MFSD1: variants seen among roughly 807,000 people sequenced by gnomAD.
MFSD1 encodes major facilitator superfamily domain containing 1, also known as lysosomal dipeptide transporter MFSD1.
A neutral mutation model predicts 67.1 loss-of-function variants in MFSD1; 59 were observed. The ratio of observed to expected loss-of-function variants is 0.88; its 90% CI spans 0.71 to 1.09. The LOEUF is 1.09. MFSD1 is among the 50% of genes least tolerant of loss of function. The pLI, the probability that MFSD1 is intolerant of heterozygous loss-of-function variation, is 0.00. For missense variants in MFSD1, 552 were observed against 566.1 expected (o/e 0.97, Z 0.25); for synonymous variants, 213 against 200.3 (o/e 1.06, Z -0.54).
intron 7 of MFSD1, among the ~76,000 whole-genome samples, chr3:158,815,454 T>C (rs1463762167): frequency 6.7e-6 from 1 of 149,488 alleles, no homozygotes; most frequent in Non-Finnish European, 1.5e-5. Flanking sequence ...CTTCCTAAAA[T>C]AGGCATATAG....
chr3:158,821,583 C>G lies in MFSD1; in HGVS notation c.864-14C>G, dbSNP rs1327415084. 5 of 1,584,256 alleles carry G rather than the reference C, an allele frequency of 3.2e-6. No homozygotes were observed. Among genetic ancestry groups the G allele is most frequent in the South Asian group, 1.1e-5 (1 of 88,544 alleles). On this transcript the variant is annotated splice_polypyrimidine_tract_variant and intron_variant, in intron 9 of 15. Transcript: ENST00000415822. ...CTCTCTAATGTGCTAATTTCTCTGTCTTTTTAATTTTAGAGTTTTCTTTAC... is the reference window on the plus strand; with the variant it reads ...CTCTCTAATGTGCTAATTTCTCTGTGTTTTTAATTTTAGAGTTTTCTTTAC...
rs376080635 is a variant in MFSD1, at chr3:158,802,100, T to A, written c.-53T>A. The A allele has an allele frequency of 2.8e-5, 45 of 1,597,574 alleles. No individual in the cohort carries two copies. Among genetic ancestry groups the A allele is most frequent in the Non-Finnish European group, 3.7e-5 (43 of 1,174,462 alleles). ...ACAGTGTTCCACGGGCGCTGCTTCC[T>A]GCCTGGGTTTGGAGTTGTCACCACT... On this transcript the variant is annotated 5_prime_UTR_variant, in exon 1 of 16. Transcript: ENST00000415822.
chr3:158,828,547 T>G (rs555138140), intron 15 of MFSD1, among the ~76,000 whole-genome samples: 1 of 152,266 alleles, frequency 6.6e-6, no homozygotes, highest in South Asian at 2.1e-4. Context: ...CACATCCATG[T>G]GATATGTTGT....
chr3:158,802,705 GT>G (rs1407026232), intron 1 of MFSD1: 8 of 395,904 alleles, frequency 2.0e-5, no homozygotes, highest in Non-Finnish European at 3.4e-5. Flanking sequence ...ACTTTTGTTT[GT>G]TTGGTTTTAG....
intron 5 of MFSD1, chr3:158,808,905 T>C (rs1729859279): frequency 3.0e-6 from 1 of 328,780 alleles, no homozygotes; most frequent in South Asian, 8.5e-5. Context: ...TGCTGTCTCA[T>C]AGCATGGGGG....
intron 7 of MFSD1, 30 bp from the exon 8 acceptor site, chr3:158,819,619 T>A (rs1330694324): frequency 1.6e-6 from 2 of 1,226,116 alleles, no homozygotes; most frequent in Non-Finnish European, 2.2e-6. Context: ...TTTCAAAGTC[T>A]GTTTTTCTTT....
rs1576914347 is a variant in MFSD1 at position 158,823,078 on chromosome 3, A to G, written c.1078-350A>G. On this transcript the variant is annotated intron_variant, in intron 11 of 15. Transcript: ENST00000415822. The stretch of plus-strand genomic sequence containing the variant: ...GATTGCCTAATCTGTAACTCCTAAT[A>G]AATACTGGAAAATTAGCTTGCCTGA... 6 of 252,256 alleles carry G rather than the reference A, an allele frequency of 2.4e-5. No homozygotes were observed. The East Asian group carries it at 5.2e-4, about 22-fold the overall frequency. The allele number at this position is 252,256 out of a possible 1,614,324, so 15.6% of individuals were successfully genotyped here. A position where few individuals can be genotyped will look rare whatever the true frequency, so the allele number is the denominator to read the frequency against.
rs747610583 is a variant in MFSD1, at chr3:158,802,249, C to T, written c.97C>T (p.Leu33Phe). Reference sequence around the variant, plus strand: ...GGCCGCCCCTGGAGCCCTGCCGGCCCTCTGCGACCCCAGTCGCCTGGCGCA... The same window carrying T: ...GGCCGCCCCTGGAGCCCTGCCGGCCTTCTGCGACCCCAGTCGCCTGGCGCA... ...APAAPGALPA[L>F]CDPSRLAHRL... is the part of the protein sequence containing the mutation. The change falls in exon 1 of 16, where the codon CTC (leucine) becomes TTC (phenylalanine). Residue 33 changes from leucine to phenylalanine, a missense_variant. Physicochemically the swap from Leu to Phe is conservative, Grantham distance 22. Coordinates refer to ENST00000415822, the MANE Select transcript of MFSD1 (RefSeq NM_022736.4). The T allele has an allele frequency of 9.3e-6, 15 of 1,611,648 alleles. No individual in the cohort carries two copies. In the South Asian group the frequency reaches 1.4e-4, roughly 15 times the overall value.
At chr3:158,819,523 G>C (rs781651414) in intron 7 of MFSD1, 126 bp from the exon 8 acceptor site, 14 of 470,940 alleles carry the variant, frequency 3.0e-5, no homozygotes, top group East Asian at 1.7e-4. Flanking sequence ...GATTTTTCTC[G>C]TGTCTTTATG....
intron 4 of MFSD1, 91 bp downstream of exon 4, chr3:158,807,173 T>C: frequency 8.2e-7 from 1 of 1,223,462 alleles, no homozygotes; most frequent in Non-Finnish European, 1.2e-6. Flanking sequence ...GTTTAATTAA[T>C]GCCTAGCTTA....
Position 158,819,710 on chromosome 3 carries a change from A to G in MFSD1, c.714A>G (p.Arg238=), listed in dbSNP as rs773454794. 10 of 1,609,864 alleles carry G rather than the reference A, an allele frequency of 6.2e-6. No individual in the cohort carries two copies. In the South Asian group the frequency reaches 9.9e-5, roughly 16 times the overall value. The change falls in exon 8 of 16, where the codon AGA becomes AGG. Residue 238 remains arginine, a synonymous_variant. Coordinates refer to ENST00000415822, the MANE Select transcript of MFSD1 (RefSeq NM_022736.4). ...TGGCTCTTGCCTACTTGGATCAGAG[A>G]GCAGAGAGAATCCTTCATAAAGAAC... The part of the protein sequence containing the change: ...CALALAYLDQ[R]AERILHKEQG...
chr3:158,821,551 A>T (rs778264225), intron 9 of MFSD1, 46 bp from the exon 10 acceptor site: 1 of 1,231,766 alleles, frequency 8.1e-7, no homozygotes. Context: ...TTGAAAACAG[A>T]GTAGTTCTCT....
At chr3:158,813,827 C>G in intron 6 of MFSD1, 138 bp from the exon 7 acceptor site, 5 of 232,752 alleles carry the variant, frequency 2.1e-5, no homozygotes, top group Non-Finnish European at 1.5e-5. Flanking sequence ...TCAATTTTTT[C>G]TTGTAGTGTC....
intron 6 of MFSD1, among the ~76,000 whole-genome samples, chr3:158,810,123 TAA>T (rs1320888416): frequency 6.6e-6 from 1 of 152,142 alleles, no homozygotes; most frequent in East Asian, 1.9e-4. Context: ...CTCCCAGGTT[TAA>T]GTGATTTTCC....
At chr3:158,805,339 A>G (rs2108203869) in intron 2 of MFSD1, 23 bp from the exon 3 acceptor site, 1 of 1,557,150 alleles carries the variant, frequency 6.4e-7, no homozygotes, top group Non-Finnish European at 8.9e-7. Flanking sequence ...GGAAAAAAAT[A>G]GTTTTATTTT....
intron 3 of MFSD1, 30 bp downstream of exon 3, chr3:158,805,504 C>A: frequency 1.4e-6 from 2 of 1,464,440 alleles, no homozygotes; most frequent in Non-Finnish European, 1.9e-6. Context: ...ATGGGTAAAT[C>A]TTACCTGATT....
Position 158,823,495 on chromosome 3 carries a change from C to T in MFSD1, c.1145C>T (p.Pro382Leu), listed in dbSNP as rs568846837. 1 of 1,613,500 alleles carries T rather than the reference C, an allele frequency of 6.2e-7. No homozygotes were observed. The highest frequency in any genetic ancestry group is 8.5e-7 in the Non-Finnish European group (1 of 1,179,454). Reference sequence around the variant, plus strand: ...TGGCCAATGGTGGCATTTGTAGTTCCTGAACATCAGCTGGGAACTGCATAT... The same window carrying T: ...TGGCCAATGGTGGCATTTGTAGTTCTTGAACATCAGCTGGGAACTGCATAT... ...ALWPMVAFVV[P>L]EHQLGTAYGF... The change falls in exon 12 of 16, where the codon CCT (proline) becomes CTT (leucine). Residue 382 changes from proline (P) to leucine (L), a missense_variant. Physicochemically the swap from Pro to Leu is moderately conservative, Grantham distance 98 (BLOSUM62 -3). Transcript: ENST00000415822.
intron 1 of MFSD1, among the ~76,000 whole-genome samples, chr3:158,803,709 C>T (rs939640286): frequency 6.6e-6 from 1 of 152,088 alleles, no homozygotes; most frequent in Non-Finnish European, 1.5e-5. Flanking sequence ...AAAATAAATC[C>T]GAGTGCATGG....
In MFSD1 at chr3:158,829,683, A is replaced by G. The variant is rs1478027991; in HGVS notation, c.*701A>G. ...GTCCTTCAAATTATGATAATTGCCTATGTACATGGATAAATTAAAACACTG... is the reference window on the plus strand; with the variant it reads ...GTCCTTCAAATTATGATAATTGCCTGTGTACATGGATAAATTAAAACACTG... On this transcript the variant is annotated 3_prime_UTR_variant, in exon 16 of 16. Transcript: ENST00000415822. 3 of 152,246 alleles carry G rather than the reference A, an allele frequency of 2.0e-5. No individual in the cohort carries two copies. Among genetic ancestry groups the G allele is most frequent in the Non-Finnish European group, 4.4e-5 (3 of 68,032 alleles). 9.4% of individuals were successfully genotyped at this position (152,246 alleles called of 1,614,324 possible).
Sources: gnomAD v4.1 joint callset for allele counts (sites outside exome capture counted in the v4.1 genomes callset) on GRCh38, gnomAD v4.1.1 for gene constraint, MANE v1.5 for transcripts, NCBI Gene and HGNC (gene_info 2026-07-23, HGNC 2026-07-21) for gene names.